The following LRRFIP2 variants were observed in gnomAD, a reference collection of about 807,000 sequenced individuals.
The protein encoded by LRRFIP2 is leucine-rich repeat flightless-interacting protein 2.
LRRFIP2 carries 109 observed loss-of-function variants against 125.9 expected under a neutral mutation model. The ratio of observed to expected loss-of-function variants is 0.87; its 90% confidence interval spans 0.74 to 1.01. The LOEUF is 1.01. LRRFIP2 is among the 50% of genes least tolerant of loss of function. The pLI is 0.00. For synonymous variants in LRRFIP2, 291 were observed against 293.1 expected (o/e 0.99, Z 0.07); for missense variants, 850 against 862.3 (o/e 0.99, Z 0.18).
At chr3:37,151,997 A>G (rs2096044783) in intron 1 of LRRFIP2, among the ~76,000 whole-genome samples, 1 of 152,218 alleles carries the variant, frequency 6.6e-6, no homozygotes, top group South Asian at 2.1e-4. Flanking sequence ...TTATTATATG[A>G]AAAAGACACA....
chr3:37,055,213 A>C, intron 25 of LRRFIP2, 48 bp from the exon 26 acceptor site: 1 of 1,149,246 alleles, frequency 8.7e-7, no homozygotes, highest in Non-Finnish European at 1.3e-6. Context: ...CAGAGATGAC[A>C]GTATGAGCCA....
intron 25 of LRRFIP2, among the ~76,000 whole-genome samples, chr3:37,056,430 T>C (rs1197998338): frequency 1.3e-5 from 2 of 151,884 alleles, no homozygotes; most frequent in East Asian, 3.9e-4. Context: ...TACAATTACT[T>C]ATACAGTCTT....
At chr3:37,138,514 G>A (rs1340251513) in intron 2 of LRRFIP2, among the ~76,000 whole-genome samples, 1 of 152,176 alleles carries the variant, frequency 6.6e-6, no homozygotes, top group East Asian at 1.9e-4. Context: ...ACAAATAAGT[G>A]TATTTCTTCA....
chr3:37,053,051 C>T lies in LRRFIP2; in HGVS notation c.*800G>A, dbSNP rs1285508544. ...TTTAATAGAATCTGCAGGCAGATTT[C>T]CAATCTGCCTGCCCTGCCCTACCCT... On this transcript the variant is annotated 3_prime_UTR_variant, in exon 28 of 28. Transcript: ENST00000336686. 6.6e-6 allele frequency: 1 copy of T among 152,538 alleles called. No individual in the cohort carries two copies. The highest frequency in any genetic ancestry group is 2.4e-5 in the African/African-American group (1 of 41,422). 9.4% of individuals were successfully genotyped at this position (152,538 alleles called of 1,614,324 possible).
intron 21 of LRRFIP2, chr3:37,066,705 A>T (rs562944504): frequency 5.8e-6 from 1 of 171,832 alleles, no homozygotes; most frequent in Non-Finnish European, 1.3e-5. Flanking sequence ...GGTGAACAAA[A>T]AAAACCCCAC....
At position 37,161,800 on chromosome 3, in the gene LRRFIP2, A is replaced by G. The variant is rs543054706; in HGVS notation, c.-56+12739T>C. On this transcript the variant is annotated intron_variant, in intron 1 of 27. Coordinates refer to ENST00000336686, the MANE Select transcript of LRRFIP2 (RefSeq NM_006309.4). ...AAGTCTTACAGAAAACAGAAAAAAA[A>G]AAAAAAGAGAGAGAGGTAGAAAATA... is the stretch of plus-strand genomic sequence containing the variant. Among the ~76,000 whole-genome samples, 485 of 152,120 alleles carry G rather than the reference A, an allele frequency of 3.2e-3. 4 individuals carry two copies. Among genetic ancestry groups the G allele is most frequent in the African/African-American group, 0.011 (461 of 41,528 alleles).
rs1575675211 is a variant in LRRFIP2 at position 37,054,465 on chromosome 3, A to G, written c.2001T>C (p.Asn667=). Residue 667 remains asparagine, a synonymous_variant, in exon 27 of 28, where the codon AAT becomes AAC. Coordinates refer to ENST00000336686, the MANE Select transcript of LRRFIP2 (RefSeq NM_006309.4). ...TCAATTCATCTTCAACTTTCTCAGCATTCTCAGCAGCAGTTTTATATCTCA... is the reference window on the plus strand; with the variant it reads ...TCAATTCATCTTCAACTTTCTCAGCGTTCTCAGCAGCAGTTTTATATCTCA... ...QVLRYKTAAE[N]AEKVEDELKA... 2 of 1,614,036 alleles carry G rather than the reference A, an allele frequency of 1.2e-6. No homozygotes were observed. The highest frequency in any genetic ancestry group is 4.5e-5 in the East Asian group (2 of 44,866).
intron 1 of LRRFIP2, among the ~76,000 whole-genome samples, chr3:37,149,809 T>C (rs1231677631): frequency 2.0e-5 from 3 of 151,676 alleles, no homozygotes; most frequent in Admixed American, 6.5e-5. Flanking sequence ...GAGACCAGCC[T>C]GGCCAACATG....
chr3:37,135,221 G>T, intron 2 of LRRFIP2: 1 of 688,986 alleles, frequency 1.5e-6, no homozygotes, highest in East Asian at 2.8e-5. Context: ...AGCACTTTGG[G>T]AGTCCAAGGC....
intron 21 of LRRFIP2, among the ~76,000 whole-genome samples, chr3:37,071,759 T>C (rs1247772148): frequency 6.6e-6 from 1 of 152,212 alleles, no homozygotes; most frequent in Non-Finnish European, 1.5e-5. Flanking sequence ...CTATTTCCTC[T>C]GCCCTTCCCT....
chr3:37,082,311 T>C (rs951971299), intron 19 of LRRFIP2, among the ~76,000 whole-genome samples: 6 of 152,202 alleles, frequency 3.9e-5, no homozygotes, highest in Non-Finnish European at 8.8e-5. Context: ...CAGTCCAATA[T>C]GAAAACAACT....
At chr3:37,084,102 T>C (rs2092855163) in intron 18 of LRRFIP2, among the ~76,000 whole-genome samples, 1 of 152,224 alleles carries the variant, frequency 6.6e-6, no homozygotes, top group Non-Finnish European at 1.5e-5. Flanking sequence ...GTAAGGGTCA[T>C]AAAATGAAGA....
chr3:37,063,831 G>A, intron 23 of LRRFIP2, 40 bp from the exon 24 acceptor site: 1 of 1,446,128 alleles, frequency 6.9e-7, no homozygotes, highest in Non-Finnish European at 9.7e-7. Context: ...AATATGTGAT[G>A]ATATAGTACA....
chr3:37,165,766 A>G (rs2096464610), intron 1 of LRRFIP2, among the ~76,000 whole-genome samples: 1 of 146,940 alleles, frequency 6.8e-6, no homozygotes, highest in African/African-American at 2.6e-5. Context: ...CAAAAAAAAG[A>G]AAAGAAAAGA....
At chr3:37,062,368 G>C (rs2088992550) in intron 24 of LRRFIP2, among the ~76,000 whole-genome samples, 1 of 152,020 alleles carries the variant, frequency 6.6e-6, no homozygotes, top group African/African-American at 2.4e-5. Flanking sequence ...TTGAATGACT[G>C]AATAGGAGTT....
intron 2 of LRRFIP2, among the ~76,000 whole-genome samples, chr3:37,146,413 G>A (rs140393005): frequency 2.0e-5 from 3 of 152,058 alleles, no homozygotes; most frequent in Non-Finnish European, 4.4e-5. Context: ...TATCACCTAG[G>A]TATTTAGCCC....
At chr3:37,117,050 G>C (rs530507720) in intron 6 of LRRFIP2, among the ~76,000 whole-genome samples, 2 of 151,028 alleles carry the variant, frequency 1.3e-5, no homozygotes, top group South Asian at 2.1e-4. Context: ...ACTTACCATG[G>C]AGAGACACTT....
chr3:37,061,793 T>C (rs1243363551), intron 24 of LRRFIP2, among the ~76,000 whole-genome samples: 2 of 152,176 alleles, frequency 1.3e-5, no homozygotes, highest in Non-Finnish European at 2.9e-5. Context: ...CTATCCCTTC[T>C]TGCCCTCAGC....
At chr3:37,063,445 A>G (rs1417141163) in intron 24 of LRRFIP2, among the ~76,000 whole-genome samples, 1 of 152,246 alleles carries the variant, frequency 6.6e-6, no homozygotes, top group East Asian at 1.9e-4. Context: ...GAATCAGCTA[A>G]AAGTATTTAA....
Sources: gnomAD v4.1 joint callset for allele counts (sites outside exome capture counted in the v4.1 genomes callset) on GRCh38, gnomAD v4.1.1 for gene constraint, MANE v1.5 for transcripts, NCBI Gene and HGNC (gene_info 2026-07-23, HGNC 2026-07-21) for gene names.